AGAP1: variants seen among roughly 807,000 people sequenced by gnomAD.
The protein encoded by AGAP1 is arf-GAP with GTPase, ANK repeat and PH domain-containing protein 1.
AGAP1 carries 29 observed loss-of-function variants against 105.3 expected under a neutral mutation model. The ratio of observed to expected loss-of-function variants is 0.28; its 90% CI spans 0.21 to 0.38. The LOEUF (loss-of-function observed/expected upper bound fraction) is 0.38. Ranked by LOEUF, AGAP1 falls within the 10% of genes least tolerant of loss-of-function variation. The pLI is 1.00. For synonymous variants in AGAP1, 509 were observed against 485.9 expected, an observed-to-expected ratio of 1.05 and a Z score of -0.63; for missense variants, 998 against 1,165.1, an observed-to-expected ratio of 0.86 and a Z score of 2.09.
chr2:235,628,291 C>T (rs1461970779), intron 1 of AGAP1, among the ~76,000 whole-genome samples: 2 of 152,152 alleles, frequency 1.3e-5, no homozygotes, highest in East Asian at 1.9e-4. Flanking sequence ...GTGAGCTGCT[C>T]CACTTGGTGG....
intron 6 of AGAP1, among the ~76,000 whole-genome samples, chr2:235,776,718 G>T (rs1955893712): frequency 6.6e-6 from 1 of 152,108 alleles, no homozygotes; most frequent in South Asian, 2.1e-4. Context: ...GGAGCGGAGG[G>T]CCCTCCCCCT....
intron 12 of AGAP1, among the ~76,000 whole-genome samples, chr2:235,944,270 GAT>G (rs1023314438): frequency 6.6e-6 from 1 of 152,118 alleles, no homozygotes; most frequent in African/African-American, 2.4e-5. Flanking sequence ...TCTCACACAT[GAT>G]CATTCCATCT....
At position 235,753,497 on chromosome 2, in the gene AGAP1, T is replaced by C. The variant is rs947661213; in HGVS notation, c.673+3009T>C. Among the ~76,000 whole-genome samples the C allele has an allele frequency of 6.6e-6, 1 of 152,084 alleles. No individual in the cohort carries two copies. The highest frequency in any genetic ancestry group is 1.5e-5 in the Non-Finnish European group (1 of 68,016). On this transcript the variant is annotated intron_variant, in intron 6 of 17. Transcript: ENST00000304032. The surrounding 1 kb of genome is among the most constrained non-coding windows in gnomAD (Gnocchi z 4.5). ...AGGAGGGCAGATCACCTGAGGTCCA[T>C]AGTTCGAGACCAGCCTGGCCACCAT...
In AGAP1 at chr2:235,983,124, G is replaced by A. The variant is rs2055163277; in HGVS notation, c.1645+14501G>A. On this transcript the variant is annotated intron_variant, in intron 13 of 17. Transcript: ENST00000304032. This position sits in a 1 kb window ranked among gnomAD's most constrained non-coding sequence, Gnocchi z 4.5. ...TTTGCTGAGCAGGAAGCTGGCCTCA[G>A]GGGTCTCCCAGGATGCTGGGGCTGG... Among the ~76,000 whole-genome samples, 1 of 152,192 alleles carries A rather than the reference G, an allele frequency of 6.6e-6. No individual in the cohort carries two copies. Among genetic ancestry groups the A allele is most frequent in the Non-Finnish European group, 1.5e-5 (1 of 68,034 alleles).
chr2:235,759,719 A>G (rs1010263261), intron 6 of AGAP1, among the ~76,000 whole-genome samples: 1 of 139,824 alleles, frequency 7.2e-6, no homozygotes, highest in Non-Finnish European at 1.5e-5. Flanking sequence ...GGGAAAATAC[A>G]TAAATGTTTG....
chr2:235,990,709 C>T (rs954535644), intron 13 of AGAP1, among the ~76,000 whole-genome samples: 1 of 152,120 alleles, frequency 6.6e-6, no homozygotes, highest in African/African-American at 2.4e-5. Context: ...AGTCAGAGTC[C>T]CACTTAGGGT....
Position 236,124,448 on chromosome 2 carries a change from G to A in AGAP1, c.*326G>A, listed in dbSNP as rs1384338881. 2.8e-5 allele frequency: 10 copies of A among 351,994 alleles called. No individual in the cohort carries two copies. Among genetic ancestry groups the A allele is most frequent in the South Asian group, 2.3e-4 (6 of 26,526 alleles). The allele number at this position is 351,994 out of a possible 1,614,324, so 21.8% of individuals were successfully genotyped here. ...TCCTGGTGGCACAAGGGATGGGGAC[G>A]CGAGGGGGAGGGGAGGCGAGGAACA... On this transcript the variant is annotated 3_prime_UTR_variant, in exon 18 of 18. Transcript: ENST00000304032. This position sits in a 1 kb window ranked among gnomAD's most constrained non-coding sequence, Gnocchi z 5.1.
At chr2:236,018,028 T>A (rs1015384161) in intron 13 of AGAP1, among the ~76,000 whole-genome samples, 1 of 152,160 alleles carries the variant, frequency 6.6e-6, no homozygotes, top group African/African-American at 2.4e-5. Flanking sequence ...CAGACAAGAT[T>A]AAAAAACAAA....
At chr2:235,952,091 G>T (rs1050728872) in intron 12 of AGAP1, among the ~76,000 whole-genome samples, 2 of 152,162 alleles carry the variant, frequency 1.3e-5, no homozygotes, top group Non-Finnish European at 2.9e-5. Context: ...AGTATTCAGT[G>T]CACAGATAAC....
intron 1 of AGAP1, among the ~76,000 whole-genome samples, chr2:235,643,431 C>CAAAAAAAAAAAAAAAAAACAAAAAAAAAA (rs1947264605): frequency 8.1e-5 from 5 of 61,404 alleles, no homozygotes; most frequent in African/African-American, 3.4e-4. Context: ...GACTGGGTCT[C>CAAAAAAAAAAAAAAAAAACAAAAAAAAAA]AAAAAAAAAA....
In AGAP1 at chr2:235,964,590, C is replaced by T. The variant is rs2054313750; in HGVS notation, c.1484-3872C>T. The stretch of plus-strand genomic sequence containing the variant: ...TAGAATCAGGTAATGATCTTGGGGT[C>T]TCTGGATGCCCCACCCCCTGAACGT... On this transcript the variant is annotated intron_variant, in intron 12 of 17. Coordinates refer to ENST00000304032, the MANE Select transcript of AGAP1 (RefSeq NM_001037131.3). This position sits in a 1 kb window ranked among gnomAD's most constrained non-coding sequence, Gnocchi z 4.6. Among the ~76,000 whole-genome samples, 1 of 152,160 alleles carries T rather than the reference C, an allele frequency of 6.6e-6. No individual in the cohort carries two copies. The highest frequency in any genetic ancestry group is 2.4e-5 in the African/African-American group (1 of 41,448).
chr2:235,938,385 G>A (rs2053092371), intron 12 of AGAP1, among the ~76,000 whole-genome samples: 1 of 152,246 alleles, frequency 6.6e-6, no homozygotes, highest in South Asian at 2.1e-4. Flanking sequence ...CTCCAAGAAC[G>A]CTGGGTGCGC....
intron 6 of AGAP1, among the ~76,000 whole-genome samples, chr2:235,761,536 T>G (rs1954437765): frequency 6.6e-6 from 1 of 152,210 alleles, no homozygotes; most frequent in Non-Finnish European, 1.5e-5. Flanking sequence ...TCTAATGACT[T>G]GAGCCAGCTT....
rs185977944 is a variant in AGAP1 at position 235,927,525 on chromosome 2, T to A, written c.1325-3240T>A. 2.2e-4 allele frequency among the ~76,000 whole-genome samples: 33 copies of A among 152,308 alleles called. No homozygotes were observed. The highest frequency in any genetic ancestry group is 1.4e-3 in the Admixed American group (21 of 15,300). ...TCTCCCTTCCTTTTTGGCAGTGTGATGTTTGGCCATGAGATGAAGAACTCA... is the reference window on the plus strand; with the variant it reads ...TCTCCCTTCCTTTTTGGCAGTGTGAAGTTTGGCCATGAGATGAAGAACTCA... On this transcript the variant is annotated intron_variant, in intron 11 of 17. Transcript: ENST00000304032. The surrounding 1 kb of genome is among the most constrained non-coding windows in gnomAD (Gnocchi z 4.4).
At chr2:235,698,121 A>C (rs1343180549) in intron 1 of AGAP1, among the ~76,000 whole-genome samples, 1 of 152,122 alleles carries the variant, frequency 6.6e-6, no homozygotes, top group Non-Finnish European at 1.5e-5. Flanking sequence ...ATTCTCATAA[A>C]GAGCACACAT....
Position 235,566,968 on chromosome 2 carries a change from A to ATCCAGCTGCATCAC in AGAP1, c.163+72125_163+72138dup, listed in dbSNP as rs1158532595. ...GGCCCCTGGCAATCCTTGGTGTCCCATCCAGCTGCATCACTCCAGTCTCTG... is the reference window on the plus strand; with the variant it reads ...GGCCCCTGGCAATCCTTGGTGTCCCATCCAGCTGCATCACTCCAGCTGCATCACTCCAGTCTCTG... On this transcript the variant is annotated intron_variant, in intron 1 of 17. Transcript: ENST00000304032. The surrounding 1 kb of genome is among the most constrained non-coding windows in gnomAD (Gnocchi z 5.2). Among the ~76,000 whole-genome samples the ATCCAGCTGCATCAC allele has an allele frequency of 6.6e-6, 1 of 152,128 alleles. No homozygotes were observed. Among genetic ancestry groups the ATCCAGCTGCATCAC allele is most frequent in the Admixed American group, 6.5e-5 (1 of 15,282 alleles).
chr2:236,021,728 T>C (rs1005228006), intron 13 of AGAP1, among the ~76,000 whole-genome samples: 4 of 152,100 alleles, frequency 2.6e-5, no homozygotes, highest in African/African-American at 4.8e-5. Flanking sequence ...TATTTTTTTT[T>C]CCCCAAGAGC....
Position 235,555,128 on chromosome 2 carries a change from G to A in AGAP1, c.163+60279G>A, listed in dbSNP as rs1199004786. Among the ~76,000 whole-genome samples the A allele has an allele frequency of 6.6e-5, 10 of 152,156 alleles. No individual in the cohort carries two copies. The highest frequency in any genetic ancestry group is 2.4e-4 in the African/African-American group (10 of 41,438). On this transcript the variant is annotated intron_variant, in intron 1 of 17. Coordinates refer to ENST00000304032, the MANE Select transcript of AGAP1 (RefSeq NM_001037131.3). The surrounding 1 kb of genome is among the most constrained non-coding windows in gnomAD (Gnocchi z 5.1). ...CCAGGGTCAGCCTGGATGCTCCTAGGCAGAGGCACAGGGGTTGCTGATTCT... is the reference window on the plus strand; with the variant it reads ...CCAGGGTCAGCCTGGATGCTCCTAGACAGAGGCACAGGGGTTGCTGATTCT...
intron 1 of AGAP1, among the ~76,000 whole-genome samples, chr2:235,593,937 C>G (rs1003741153): frequency 3.3e-5 from 5 of 151,982 alleles, no homozygotes; most frequent in African/African-American, 1.2e-4. Context: ...TCACTGAACT[C>G]CAGCCTGGGG....
Sources: gnomAD v4.1 joint callset for allele counts (sites outside exome capture counted in the v4.1 genomes callset) on GRCh38, gnomAD v4.1.1 for gene constraint, Gnocchi (gnomAD v3.1) non-coding constraint, MANE v1.5 for transcripts, NCBI Gene and HGNC (gene_info 2026-07-23, HGNC 2026-07-21) for gene names.